Variants in CUL3 observed in about 807,000 individuals in gnomAD.
CUL3 encodes the protein cullin-3.
Under a neutral mutation model 89.1 loss-of-function variants are expected in CUL3, and 19 were observed. The observed-to-expected ratio is 0.21, with a 90% confidence interval of 0.15 to 0.31. The LOEUF (loss-of-function observed/expected upper bound fraction) is 0.31. CUL3 is among the 10% of genes least tolerant of loss of function. The pLI is 1.00. For missense variants in CUL3, 469 were observed against 942.3 expected, an observed-to-expected ratio of 0.50 and a Z score of 6.58; for synonymous variants, 351 against 308.4, an observed-to-expected ratio of 1.14 and a Z score of -1.45.
intron 1 of CUL3, among the ~76,000 whole-genome samples, chr2:224,573,633 G>A (rs1287989104): frequency 1.3e-5 from 2 of 152,134 alleles, no homozygotes; most frequent in Non-Finnish European, 2.9e-5. Flanking sequence ...AGCGTCCCCA[G>A]ATCTGCCCCT....
chr2:224,549,751 A>G (rs1383026610), intron 2 of CUL3, among the ~76,000 whole-genome samples: 1 of 151,998 alleles, frequency 6.6e-6, no homozygotes, highest in Non-Finnish European at 1.5e-5. Context: ...AGGAGAATGA[A>G]AGAAGATGGC....
At chr2:224,525,551 C>A (rs1693441885) in intron 3 of CUL3, among the ~76,000 whole-genome samples, 1 of 152,060 alleles carries the variant, frequency 6.6e-6, no homozygotes, top group African/African-American at 2.4e-5. Context: ...CAAAGAAACA[C>A]AATAAATTTT....
chr2:224,510,105 T>C (rs1333662535), intron 6 of CUL3, among the ~76,000 whole-genome samples: 1 of 152,190 alleles, frequency 6.6e-6, no homozygotes, highest in Non-Finnish European at 1.5e-5. Context: ...AGGACTATTT[T>C]CTCACTATGA....
At chr2:224,507,184 T>C (rs1692633611) in intron 6 of CUL3, among the ~76,000 whole-genome samples, 181 bp from the exon 7 acceptor site, 1 of 152,112 alleles carries the variant, frequency 6.6e-6, no homozygotes, top group African/African-American at 2.4e-5. Context: ...TAGTTAATGG[T>C]TATTATTGTA....
chr2:224,492,527 C>T (rs1475017994), intron 13 of CUL3, among the ~76,000 whole-genome samples: 2 of 152,116 alleles, frequency 1.3e-5, no homozygotes, highest in Non-Finnish European at 2.9e-5. Flanking sequence ...CTTATCCATA[C>T]CTCTTTCAAA....
Position 224,485,468 on chromosome 2 carries a change from T to C in CUL3, c.1843-3390A>G, listed in dbSNP as rs552047334. 6.6e-6 allele frequency: 1 copy of C among 152,220 alleles called. No individual in the cohort carries two copies. Among genetic ancestry groups the C allele is most frequent in the Non-Finnish European group, 1.5e-5 (1 of 68,118 alleles). 9.4% of individuals were successfully genotyped at this position (152,220 alleles called of 1,614,324 possible). On this transcript the variant is annotated intron_variant, in intron 13 of 15. Transcript: ENST00000264414. This position sits in a 1 kb window ranked among gnomAD's most constrained non-coding sequence, Gnocchi z 4.1. ...GCGTCCACCATTCCTGAGGCTTGAG[T>C]AGGCGGTTTTCCCCTCACAGTGTAA...
rs1283613953 is a variant in CUL3, at chr2:224,585,055, A to C, written c.-46T>G. 4 of 1,435,024 alleles carry C rather than the reference A, an allele frequency of 2.8e-6. No individual in the cohort carries two copies. In the African/African-American group the frequency reaches 4.5e-5, roughly 16 times the overall value. 88.9% of individuals were successfully genotyped at this position (1,435,024 alleles called of 1,614,324 possible). On this transcript the variant is annotated 5_prime_UTR_variant, in exon 1 of 16. Coordinates refer to ENST00000264414, the MANE Select transcript of CUL3 (RefSeq NM_003590.5). ...CGGCGGCTTCAGGTCGCGCTCCGCGACGCCGGTGTCACATTTAAGGCGGGC... is the reference window on the plus strand; with the variant it reads ...CGGCGGCTTCAGGTCGCGCTCCGCGCCGCCGGTGTCACATTTAAGGCGGGC...
chr2:224,531,435 T>A (rs1454816470), intron 3 of CUL3, among the ~76,000 whole-genome samples: 7 of 148,132 alleles, frequency 4.7e-5, no homozygotes, highest in Admixed American at 6.7e-5. Context: ...GTAGTTTATT[T>A]AAAAAAAAAA....
At chr2:224,505,481 CAT>C (rs1692564265) in intron 8 of CUL3, among the ~76,000 whole-genome samples, 1 of 152,082 alleles carries the variant, frequency 6.6e-6, no homozygotes, top group African/African-American at 2.4e-5. Context: ...TGTCGCCCAG[CAT>C]AGAGTGCAGT....
chr2:224,487,503 A>G (rs1179426112), intron 13 of CUL3, among the ~76,000 whole-genome samples: 1 of 148,872 alleles, frequency 6.7e-6, no homozygotes, highest in Non-Finnish European at 1.5e-5. Flanking sequence ...AAAAAAAGAC[A>G]AAGAAGGGCA....
chr2:224,481,051 T>TA (rs1181961957), intron 14 of CUL3, among the ~76,000 whole-genome samples: 2 of 152,138 alleles, frequency 1.3e-5, no homozygotes, highest in Non-Finnish European at 2.9e-5. Context: ...AGAATCCATG[T>TA]ACTCTGGTAA....
chr2:224,495,628 A>G, intron 13 of CUL3: 1 of 406,980 alleles, frequency 2.5e-6, no homozygotes, highest in South Asian at 4.5e-5. Flanking sequence ...GTTTTATATA[A>G]AAGTACTTCT....
At chr2:224,519,843 A>G (rs1035858552) in intron 3 of CUL3, among the ~76,000 whole-genome samples, 1 of 152,058 alleles carries the variant, frequency 6.6e-6, no homozygotes, top group African/African-American at 2.4e-5. Context: ...TTATGTGTCT[A>G]TTTTTTAAGA....
At chr2:224,478,423 G>A (rs1416053353) in intron 14 of CUL3, 78 bp from the exon 15 acceptor site, 4 of 1,419,690 alleles carry the variant, frequency 2.8e-6, no homozygotes, top group Admixed American at 2.2e-5. Flanking sequence ...ATAATTCAAT[G>A]TAATCCACAG....
chr2:224,505,485 G>A (rs1352989066), intron 8 of CUL3, among the ~76,000 whole-genome samples: 2 of 152,162 alleles, frequency 1.3e-5, no homozygotes, highest in East Asian at 3.8e-4. Flanking sequence ...GCCCAGCATA[G>A]AGTGCAGTCA....
chr2:224,505,312 T>G (rs1280965101), intron 8 of CUL3, among the ~76,000 whole-genome samples: 1 of 152,088 alleles, frequency 6.6e-6, no homozygotes, highest in Admixed American at 6.5e-5. Context: ...TAATTTTGTA[T>G]TTTTAGTAGA....
intron 15 of CUL3, among the ~76,000 whole-genome samples, chr2:224,476,734 T>C (rs1559334517): frequency 6.6e-6 from 1 of 152,238 alleles, no homozygotes; most frequent in Non-Finnish European, 1.5e-5. Context: ...TTTCCTTTTC[T>C]AGAATGTGGT....
At chr2:224,549,353 T>C (rs571931674) in intron 2 of CUL3, among the ~76,000 whole-genome samples, 11 of 151,992 alleles carry the variant, frequency 7.2e-5, no homozygotes, top group African/African-American at 2.7e-4. Flanking sequence ...AATTGAAACA[T>C]TTTTATTCAA....
intron 13 of CUL3, among the ~76,000 whole-genome samples, chr2:224,487,266 A>G (rs1691761523): frequency 6.6e-6 from 1 of 152,162 alleles, no homozygotes; most frequent in Non-Finnish European, 1.5e-5. Flanking sequence ...CACACATAAC[A>G]ATATTACCTT....
Sources: allele counts gnomAD v4.1 joint callset (sites outside exome capture counted in the v4.1 genomes callset), GRCh38; gene constraint gnomAD v4.1.1; non-coding constraint Gnocchi (gnomAD v3.1); transcripts MANE v1.5; gene names NCBI Gene and HGNC (gene_info 2026-07-23, HGNC 2026-07-21).